Variants in PRKDC observed in about 807,000 individuals in gnomAD.
PRKDC encodes DNA-dependent protein kinase catalytic subunit.
A neutral mutation model predicts 486.9 loss-of-function variants in PRKDC; 82 were observed. The observed-to-expected ratio is 0.17, with a 90% CI of 0.14 to 0.20. The LOEUF is 0.20. Among genes scored for constraint, PRKDC ranks in the 10% least tolerant of loss-of-function variants. PRKDC has a pLI of 1.00. For synonymous variants in PRKDC, 1,895 were observed against 1,837.0 expected (o/e 1.03, Z -0.81); for missense variants, 4,504 against 5,038.2 (o/e 0.89, Z 3.21).
intron 85 of PRKDC, among the ~76,000 whole-genome samples, chr8:47,774,967 C>A (rs1009191721): frequency 6.6e-6 from 1 of 152,012 alleles, no homozygotes; most frequent in East Asian, 1.9e-4. Flanking sequence ...CGTGGTGGCT[C>A]GCCTGAGGTC....
intron 25 of PRKDC, among the ~76,000 whole-genome samples, chr8:47,908,265 C>T (rs542419629): frequency 6.6e-6 from 1 of 152,336 alleles, no homozygotes; most frequent in African/African-American, 2.4e-5. Flanking sequence ...AAACGGTTGA[C>T]TATTTTAAGA....
At position 47,957,205 on chromosome 8, in the gene PRKDC, C is replaced by T; in HGVS notation, c.290G>A (p.Gly97Asp). Residue 97 changes from glycine (G) to aspartate (D), a missense_variant, in exon 3 of 86, where the codon GGC becomes GAC. Physicochemically the swap from Gly to Asp is moderately conservative, Grantham distance 94 (BLOSUM62 -1). Transcript: ENST00000314191. ...AACAGAGTAAGGTGCGATCTTCTGG[C>T]CCATTTTTTCTAAGAAAATACATAA... is the stretch of plus-strand genomic sequence containing the variant. The part of the protein sequence containing the change: ...KFLCIFLEKM[G>D]QKIAPYSVEI... The T allele has an allele frequency of 3.8e-6, 6 of 1,599,432 alleles. No homozygotes were observed. The highest frequency in any genetic ancestry group is 5.1e-6 in the Non-Finnish European group (6 of 1,169,060).
chr8:47,952,181 T>C (rs892774507), intron 7 of PRKDC, among the ~76,000 whole-genome samples: 3 of 152,156 alleles, frequency 2.0e-5, no homozygotes, highest in African/African-American at 7.2e-5. Context: ...ATCATGGCAA[T>C]ACTACTGAGA....
chr8:47,920,595 C>T (rs1015813414), intron 21 of PRKDC, among the ~76,000 whole-genome samples: 3 of 152,078 alleles, frequency 2.0e-5, no homozygotes, highest in Non-Finnish European at 4.4e-5. Context: ...GTACAGAAAA[C>T]AATTTGGGAT....
At chr8:47,869,625 C>G (rs1563776353) in intron 40 of PRKDC, among the ~76,000 whole-genome samples, 1 of 152,016 alleles carries the variant, frequency 6.6e-6, no homozygotes, top group South Asian at 2.1e-4. Context: ...GAAACCATTT[C>G]TGCTTGAGAG....
chr8:47,881,321 A>C, intron 38 of PRKDC, 95 bp downstream of exon 38: 2 of 790,392 alleles, frequency 2.5e-6, no homozygotes, highest in South Asian at 3.6e-5. Context: ...AACACGTTTG[A>C]AATTTTCCAT....
At chr8:47,853,357 A>T (rs2088458026) in intron 51 of PRKDC, among the ~76,000 whole-genome samples, 1 of 152,224 alleles carries the variant, frequency 6.6e-6, no homozygotes, top group Admixed American at 6.5e-5. Context: ...CATCTCTGGC[A>T]CCAGTAACTG....
chr8:47,951,177 T>A (rs1002657293), intron 7 of PRKDC, among the ~76,000 whole-genome samples: 3 of 149,938 alleles, frequency 2.0e-5, no homozygotes, highest in Non-Finnish European at 4.5e-5. Flanking sequence ...CTGGGCAACA[T>A]GGGGAAACCA....
intron 85 of PRKDC, among the ~76,000 whole-genome samples, chr8:47,776,298 T>C (rs555557092): frequency 2.0e-4 from 31 of 152,318 alleles, no homozygotes; most frequent in African/African-American, 5.3e-4. Flanking sequence ...AAGTTGACAA[T>C]AGATTGCCAC....
In PRKDC at chr8:47,837,291, A is replaced by C; in HGVS notation, c.7682T>G (p.Phe2561Cys). 1 of 1,613,948 alleles carries C rather than the reference A, an allele frequency of 6.2e-7. No individual in the cohort carries two copies. The highest frequency in any genetic ancestry group is 1.1e-5 in the South Asian group (1 of 91,056). ...GCTCATGCTGGTCATTTCGAGCAGA[A>C]AATTTGTTGCTAAACTTAAAAAGTG... is the stretch of plus-strand genomic sequence containing the variant. ...EVHFLSLATN[F>C]LLEMTSMSPD... Residue 2561 changes from phenylalanine to cysteine, a missense_variant, in exon 57 of 86, where the codon TTT becomes TGT. Around this residue, in one of 6 missense-constraint regions of PRKDC, gnomAD observed 1,592 missense variants for 1,724.6 expected, o/e 0.92. Transcript: ENST00000314191.
intron 76 of PRKDC, among the ~76,000 whole-genome samples, chr8:47,787,135 A>G (rs2086804970): frequency 6.6e-6 from 1 of 152,192 alleles, no homozygotes. Context: ...TATAAATCTG[A>G]TATCAAATAA....
chr8:47,896,287 T>A (rs915288242), intron 30 of PRKDC, among the ~76,000 whole-genome samples: 2 of 152,020 alleles, frequency 1.3e-5, no homozygotes, highest in Non-Finnish European at 2.9e-5. Context: ...CCTTTTTAGT[T>A]TTAGAAGCCT....
intron 48 of PRKDC, among the ~76,000 whole-genome samples, chr8:47,858,052 C>T (rs1207865963): frequency 1.3e-5 from 2 of 152,218 alleles, no homozygotes; most frequent in African/African-American, 2.4e-5. Context: ...CAAACTCTCA[C>T]TGCACTTCAC....
intron 36 of PRKDC, among the ~76,000 whole-genome samples, chr8:47,882,500 C>A (rs1054692258): frequency 2.0e-5 from 3 of 152,160 alleles, no homozygotes; most frequent in African/African-American, 7.2e-5. Flanking sequence ...TACATGCATG[C>A]ACAAGCACAC....
rs1359676158 is a variant in PRKDC at position 47,881,496 on chromosome 8, T to C, written c.4987A>G (p.Thr1663Ala). 1 of 1,548,122 alleles carries C rather than the reference T, an allele frequency of 6.5e-7. No individual in the cohort carries two copies. Among genetic ancestry groups the C allele is most frequent in the Middle Eastern group, 1.7e-4 (1 of 5,930 alleles). ...ACTTCAGGGAATGAACCATGACTTGTATTAAAAGATACAGATGAATCAATC... is the reference window on the plus strand; with the variant it reads ...ACTTCAGGGAATGAACCATGACTTGCATTAAAAGATACAGATGAATCAATC... ...LQIDSSVSFN[T>A]SHGSFPEVFT... The change falls in exon 38 of 86, where the codon ACA (threonine) becomes GCA (alanine). Residue 1663 changes from threonine to alanine, a missense_variant. Around this residue, in one of 6 missense-constraint regions of PRKDC, gnomAD observed 1,969 missense variants for 2,068.9 expected, o/e 0.95. Transcript: ENST00000314191.
At chr8:47,882,709 C>T (rs571022006) in intron 36 of PRKDC, among the ~76,000 whole-genome samples, 1 of 152,350 alleles carries the variant, frequency 6.6e-6, no homozygotes, top group East Asian at 1.9e-4. Flanking sequence ...AACAGAGTGA[C>T]AGGCTAATTT....
At position 47,915,392 on chromosome 8, in the gene PRKDC, T is replaced by A. The variant is rs1357411582; in HGVS notation, c.2553A>T (p.Ile851=). The A allele has an allele frequency of 3.2e-6, 5 of 1,561,482 alleles. No homozygotes were observed. Among genetic ancestry groups the A allele is most frequent in the Non-Finnish European group, 4.4e-6 (5 of 1,146,998 alleles). The change falls in exon 23 of 86, where the codon ATA becomes ATT. Residue 851 remains isoleucine (I), a synonymous_variant. Coordinates refer to ENST00000314191, the MANE Select transcript of PRKDC (RefSeq NM_006904.7). The stretch of plus-strand genomic sequence containing the variant: ...CAAGCATTTGTACTACTCTAATTCT[T>A]ATTTCTTCTAAGGATATTGCTTCGT... The part of the protein sequence containing the change: ...SSNEAISLEE[I]RIRVVQMLGS...
In PRKDC at chr8:47,913,997, T is replaced by C; in HGVS notation, c.2685A>G (p.Ala895=). 6.2e-7 allele frequency: 1 copy of C among 1,606,276 alleles called. No homozygotes were observed. ...AWDREKRLSF[A]VPFREMKPVI... The stretch of plus-strand genomic sequence containing the variant: ...CAGGTTTCATCTCTCTAAAGGGCAC[T>C]GCAAAGCTCAGCCGCTTCTCTCTGT... The change falls in exon 24 of 86, where the codon GCA becomes GCG. Residue 895 remains alanine, a synonymous_variant. Coordinates refer to ENST00000314191, the MANE Select transcript of PRKDC (RefSeq NM_006904.7).
At chr8:47,920,924 C>G (rs1377842850) in intron 21 of PRKDC, among the ~76,000 whole-genome samples, 1 of 152,138 alleles carries the variant, frequency 6.6e-6, no homozygotes, top group African/African-American at 2.4e-5. Flanking sequence ...AGAAATTTTT[C>G]AACATCTGAA....
Sources: gnomAD v4.1 joint callset for allele counts (sites outside exome capture counted in the v4.1 genomes callset) on GRCh38, gnomAD v4.1.1 for gene constraint, gnomAD v4.1.1 regional missense constraint, MANE v1.5 for transcripts, NCBI Gene and HGNC (gene_info 2026-07-23, HGNC 2026-07-21) for gene names.